Variants in EXOC6B observed in about 807,000 individuals in gnomAD.
The protein encoded by EXOC6B is SEC15 homolog B.
In EXOC6B, 54 loss-of-function variants were observed where a neutral mutation model predicts 113.5. The ratio of observed to expected loss-of-function variants is 0.48; its 90% CI spans 0.38 to 0.60. The LOEUF (loss-of-function observed/expected upper bound fraction) is 0.60, where lower values mean the gene tolerates loss of function less well. Among genes scored for constraint, EXOC6B ranks in the 20% least tolerant of loss-of-function variants. The pLI, the probability that EXOC6B is intolerant of heterozygous loss-of-function variation, is 0.00. For synonymous variants in EXOC6B, 357 were observed against 339.0 expected (o/e 1.05, Z -0.58); for missense variants, 797 against 977.5 (o/e 0.82, Z 2.46).
At chr2:72,254,810 G>T (rs750353587) in intron 20 of EXOC6B, among the ~76,000 whole-genome samples, 1 of 152,200 alleles carries the variant, frequency 6.6e-6, no homozygotes. Context: ...TGAGTAGAAA[G>T]TAGAGCTTGT....
At position 72,176,610 on chromosome 2, in the gene EXOC6B, C is replaced by T. The variant is rs1048006310; in HGVS notation, c.*2725G>A. 2 of 152,202 alleles carry T rather than the reference C, an allele frequency of 1.3e-5. No individual in the cohort carries two copies. The highest frequency in any genetic ancestry group is 4.8e-5 in the African/African-American group (2 of 41,458). The allele number at this position is 152,202 out of a possible 1,614,324, so 9.4% of individuals were successfully genotyped here. A position where few individuals can be genotyped will look rare whatever the true frequency, so the allele number is the denominator to read the frequency against. ...TTCCCATTTTCAGGTCCTGTTCTTCCCTACCTGCAACAGCTTCATTTATAG... is the reference window on the plus strand; with the variant it reads ...TTCCCATTTTCAGGTCCTGTTCTTCTCTACCTGCAACAGCTTCATTTATAG... On this transcript the variant is annotated 3_prime_UTR_variant, in exon 22 of 22. Transcript: ENST00000272427.
intron 6 of EXOC6B, among the ~76,000 whole-genome samples, chr2:72,622,344 C>T (rs536103605): frequency 6.6e-6 from 1 of 150,868 alleles, no homozygotes; most frequent in Admixed American, 6.6e-5. Flanking sequence ...ATATGAAGAA[C>T]TCATAAATTA....
At position 72,180,039 on chromosome 2, in the gene EXOC6B, G is replaced by A. The variant is rs1030348693; in HGVS notation, c.2310-578C>T. Among the ~76,000 whole-genome samples, 9 of 152,012 alleles carry A rather than the reference G, an allele frequency of 5.9e-5. No individual in the cohort carries two copies. The South Asian group carries it at 1.0e-3, about 18-fold the overall frequency. On this transcript the variant is annotated intron_variant, in intron 21 of 21. Transcript: ENST00000272427. ...GGGCTTGACTGACCTTTTTCCTTTC[G>A]TCTCAGGGTAAAGGCACATAGGTGG...
intron 19 of EXOC6B, among the ~76,000 whole-genome samples, chr2:72,363,102 T>C (rs1434148913): frequency 6.6e-6 from 1 of 152,122 alleles, no homozygotes; most frequent in African/African-American, 2.4e-5. Context: ...AGTGCTCTAA[T>C]GTTTAAAACC....
chr2:72,329,291 C>A (rs1167276570), intron 20 of EXOC6B, among the ~76,000 whole-genome samples: 1 of 152,052 alleles, frequency 6.6e-6, no homozygotes, highest in Non-Finnish European at 1.5e-5. Context: ...TGGGAAATGG[C>A]TTCCTGTTAA....
At chr2:72,562,807 G>A (rs567491434) in intron 7 of EXOC6B, among the ~76,000 whole-genome samples, 5 of 152,114 alleles carry the variant, frequency 3.3e-5, no homozygotes, top group Non-Finnish European at 5.9e-5. Flanking sequence ...AGGAACTCAA[G>A]ACTTTAAGAT....
chr2:72,509,681 A>G (rs1028959256), intron 11 of EXOC6B, among the ~76,000 whole-genome samples: 38 of 152,062 alleles, frequency 2.5e-4, no homozygotes, highest in African/African-American at 8.9e-4. Context: ...GCTAATGTCC[A>G]TGTTTTAATA....
intron 19 of EXOC6B, among the ~76,000 whole-genome samples, chr2:72,341,513 A>G (rs1689031300): frequency 6.6e-6 from 1 of 152,190 alleles, no homozygotes; most frequent in Non-Finnish European, 1.5e-5. Context: ...ATCTGTCACA[A>G]AAGACAAAGA....
At chr2:72,576,386 T>C (rs1704855805) in intron 6 of EXOC6B, among the ~76,000 whole-genome samples, 1 of 151,966 alleles carries the variant, frequency 6.6e-6, no homozygotes, top group African/African-American at 2.4e-5. Flanking sequence ...TTTCAATAGA[T>C]ACAGAGAAGT....
Position 72,473,227 on chromosome 2 carries a change from C to G in EXOC6B, c.1800+7389G>C, listed in dbSNP as rs145954151. ...AAAGTCCAGTTTAAAACAAATGTTTCTTTTCTGATTATCTGTCTCAATGAC... is the reference window on the plus strand; with the variant it reads ...AAAGTCCAGTTTAAAACAAATGTTTGTTTTCTGATTATCTGTCTCAATGAC... On this transcript the variant is annotated intron_variant, in intron 17 of 21. Transcript: ENST00000272427. 2.0e-5 allele frequency among the ~76,000 whole-genome samples: 3 copies of G among 152,130 alleles called. No individual in the cohort carries two copies. The South Asian group carries it at 6.2e-4, about 32-fold the overall frequency.
chr2:72,619,777 G>A (rs1671632914), intron 6 of EXOC6B, among the ~76,000 whole-genome samples: 1 of 152,188 alleles, frequency 6.6e-6, no homozygotes, highest in Non-Finnish European at 1.5e-5. Context: ...AGACTTCTGG[G>A]ATCCTAGCAA....
intron 6 of EXOC6B, among the ~76,000 whole-genome samples, chr2:72,631,076 T>C (rs571119238): frequency 4.6e-5 from 7 of 152,052 alleles, no homozygotes; most frequent in African/African-American, 1.7e-4. Context: ...AAAAACAAAA[T>C]AGTTATAGAA....
intron 1 of EXOC6B, among the ~76,000 whole-genome samples, chr2:72,756,922 A>G (rs917851160): frequency 6.6e-6 from 1 of 152,206 alleles, no homozygotes; most frequent in African/African-American, 2.4e-5. Context: ...TACACATTCA[A>G]TATAAAGATA....
chr2:72,397,436 C>T lies in EXOC6B; in HGVS notation c.1981-17566G>A, dbSNP rs111708010. Among the ~76,000 whole-genome samples the T allele has an allele frequency of 6.4e-3, 971 of 151,510 alleles. 6 individuals carry two copies. Among genetic ancestry groups the T allele is most frequent in the African/African-American group, 0.022 (918 of 41,244 alleles). On this transcript the variant is annotated intron_variant, in intron 18 of 21. Transcript: ENST00000272427. ...GAGATCGAGACCATCCTGGCTAACA[C>T]GGTGAAACCCCGTCTCTACTAAAAA...
chr2:72,820,809 C>A (rs1299488013), intron 1 of EXOC6B, among the ~76,000 whole-genome samples: 1 of 152,014 alleles, frequency 6.6e-6, no homozygotes, highest in Non-Finnish European at 1.5e-5. Flanking sequence ...ACTGGACACT[C>A]CTCCTTACAT....
At chr2:72,417,656 C>T (rs2105247648) in intron 18 of EXOC6B, among the ~76,000 whole-genome samples, 1 of 152,184 alleles carries the variant, frequency 6.6e-6, no homozygotes, top group South Asian at 2.1e-4. Context: ...ACACAAAATT[C>T]AATTTTTAAG....
At chr2:72,328,211 C>T (rs1044731341) in intron 20 of EXOC6B, among the ~76,000 whole-genome samples, 7 of 152,054 alleles carry the variant, frequency 4.6e-5, no homozygotes, top group Non-Finnish European at 8.8e-5. Context: ...TTTAGCAAAA[C>T]GACCAGAAAA....
At chr2:72,727,859 A>G (rs1680399786) in intron 5 of EXOC6B, among the ~76,000 whole-genome samples, 1 of 152,156 alleles carries the variant, frequency 6.6e-6, no homozygotes, top group African/African-American at 2.4e-5. Flanking sequence ...ATTGGAAGAC[A>G]ATATATAACA....
intron 1 of EXOC6B, among the ~76,000 whole-genome samples, chr2:72,784,305 A>C (rs1380355510): frequency 6.6e-6 from 1 of 152,212 alleles, no homozygotes; most frequent in East Asian, 1.9e-4. Flanking sequence ...CTTTTTGTTC[A>C]GAATCAATTT....
Sources: gnomAD v4.1 joint callset for allele counts (sites outside exome capture counted in the v4.1 genomes callset) on GRCh38, gnomAD v4.1.1 for gene constraint, MANE v1.5 for transcripts, NCBI Gene and HGNC (gene_info 2026-07-23, HGNC 2026-07-21) for gene names.